The following MTFR1 variants were observed in gnomAD, a reference collection of about 807,000 sequenced individuals.
MTFR1 encodes the protein mitochondrial fission regulator 1.
A neutral mutation model predicts 38.8 loss-of-function variants in MTFR1; 28 were observed. That is an observed-to-expected ratio of 0.72 (90% CI 0.53 to 0.99). The LOEUF is 0.99. Ranked by LOEUF, MTFR1 falls within the 50% of genes least tolerant of loss-of-function variation. The pLI, the probability that MTFR1 is intolerant of heterozygous loss-of-function variation, is 0.00. For missense variants in MTFR1, 358 were observed against 395.5 expected (o/e 0.91, Z 0.81); for synonymous variants, 145 against 137.0 (o/e 1.06, Z -0.41).
chr8:65,670,050 G>A (rs752665323), intron 2 of MTFR1, 32 bp downstream of exon 2: 15 of 1,549,934 alleles, frequency 9.7e-6, no homozygotes, highest in Non-Finnish European at 1.2e-5. Flanking sequence ...TTTAAATCCC[G>A]ACATTTAGAT....
intron 3 of MTFR1, 112 bp from the exon 4 acceptor site, chr8:65,693,532 C>A: frequency 2.7e-6 from 2 of 729,202 alleles, no homozygotes; most frequent in Admixed American, 2.4e-5. Flanking sequence ...AGTTAGAAAC[C>A]ACTCATGTGT....
chr8:65,730,949 C>T (rs1806859580), intron 3 of MTFR1, among the ~76,000 whole-genome samples: 1 of 152,024 alleles, frequency 6.6e-6, no homozygotes, highest in Non-Finnish European at 1.5e-5. Context: ...AAAATAAAAA[C>T]ATAAAAACAG....
intron 3 of MTFR1, among the ~76,000 whole-genome samples, chr8:65,751,971 A>G (rs1479459555): frequency 6.6e-6 from 1 of 152,200 alleles, no homozygotes. Context: ...AAAGTATTCT[A>G]TCATACAGAT....
chr8:65,652,863 CT>C (rs1330150938), intron 1 of MTFR1, among the ~76,000 whole-genome samples: 1 of 152,058 alleles, frequency 6.6e-6, no homozygotes, highest in African/African-American at 2.4e-5. Context: ...TTTCTCTTGC[CT>C]GATTGCTCTA....
At chr8:65,667,995 G>T (rs1804438826) in intron 1 of MTFR1, among the ~76,000 whole-genome samples, 1 of 151,870 alleles carries the variant, frequency 6.6e-6, no homozygotes, top group African/African-American at 2.4e-5. Flanking sequence ...TGGCATATTT[G>T]TGGCACCTTT....
chr8:65,701,031 CG>C (rs1465755623), intron 4 of MTFR1, among the ~76,000 whole-genome samples: 1 of 152,212 alleles, frequency 6.6e-6, no homozygotes, highest in African/African-American at 2.4e-5. Context: ...GGAATGCCTA[CG>C]TGACTATTCC....
At chr8:65,682,951 G>A (rs1202415796) in intron 3 of MTFR1, 3 of 983,278 alleles carry the variant, frequency 3.1e-6, no homozygotes, top group Non-Finnish European at 3.6e-6. Flanking sequence ...AAAGGTAATT[G>A]TGGTTTTCGC....
chr8:65,751,748 T>C (rs1807977722), intron 3 of MTFR1, among the ~76,000 whole-genome samples: 1 of 152,214 alleles, frequency 6.6e-6, no homozygotes, highest in African/African-American at 2.4e-5. Flanking sequence ...TGCCGCGGCC[T>C]CCCAAAATGC....
At chr8:65,776,555 T>G in the MTFR1 span, among the ~76,000 whole-genome samples, 2 of 152,196 alleles carry the variant, frequency 1.3e-5, no homozygotes, top group African/African-American at 4.8e-5. Context: ...TATATATTTC[T>G]ATTTAAGTTA....
rs1402713476 is a variant in MTFR1, at chr8:65,747,210, A to AAG, written c.*49-23727_*49-23726dup. On this transcript the variant is annotated intron_variant, in intron 3 of 3. Coordinates refer to the MTFR1 transcript ENST00000521247. ...TATTAATACACACACACACACAAAA[A>AAG]AGAGAGAGAGACCTAACTTTCTGTG... Among the ~76,000 whole-genome samples, 11 of 152,280 alleles carry AAG rather than the reference A, an allele frequency of 7.2e-5. No individual in the cohort carries two copies. In the East Asian group the frequency reaches 9.6e-4, roughly 13 times the overall value.
chr8:65,762,588 C>A (rs1808555983), intron 3 of MTFR1, among the ~76,000 whole-genome samples: 1 of 152,102 alleles, frequency 6.6e-6, no homozygotes, highest in Admixed American at 6.5e-5. Context: ...CCCCACAAGA[C>A]TGTTAAAGAT....
At chr8:65,718,917 C>T in intron 2 of MTFR1, 1 of 263,924 alleles carries the variant, frequency 3.8e-6, no homozygotes, top group East Asian at 8.3e-5. Flanking sequence ...CACATTGTTG[C>T]ATCAGACTGG....
intron 3 of MTFR1, chr8:65,724,803 T>C: frequency 5.6e-6 from 9 of 1,609,282 alleles, no homozygotes; most frequent in Non-Finnish European, 6.8e-6. Flanking sequence ...CTGTGTCTGG[T>C]GTCTTCTAGG....
chr8:65,771,757 C>T (rs1414178671), downstream of MTFR1, among the ~76,000 whole-genome samples: 1 of 151,718 alleles, frequency 6.6e-6, no homozygotes, highest in Non-Finnish European at 1.5e-5. Context: ...TGCCTGTAAT[C>T]CCAGCTACTT....
chr8:65,742,505 T>C (rs1336596798), intron 3 of MTFR1, among the ~76,000 whole-genome samples: 2 of 152,216 alleles, frequency 1.3e-5, no homozygotes, highest in Non-Finnish European at 2.9e-5. Context: ...TCCTCTGCCT[T>C]GCTGTTCTTC....
At chr8:65,749,071 A>T (rs1474327632) in intron 3 of MTFR1, among the ~76,000 whole-genome samples, 1 of 152,168 alleles carries the variant, frequency 6.6e-6, no homozygotes, top group African/African-American at 2.4e-5. Flanking sequence ...CTTCCCTGGG[A>T]AGCACATTCA....
chr8:65,763,029 G>C lies in MTFR1; in HGVS notation c.*49-7918G>C, dbSNP rs76112748. ...TGTGTGTGTGTGTGTGTGTGTGTGT[G>C]TGTGTGTGTATAAAATGAATATACA... is the stretch of plus-strand genomic sequence containing the variant. On this transcript the variant is annotated intron_variant, in intron 3 of 3. Transcript: ENST00000521247. 7.7e-3 allele frequency among the ~76,000 whole-genome samples: 1,127 copies of C among 146,200 alleles called. 10 individuals are homozygous for C. The highest frequency in any genetic ancestry group is 0.025 in the African/African-American group (1,016 of 40,108).
At chr8:65,737,326 A>G (rs890785349) in intron 3 of MTFR1, among the ~76,000 whole-genome samples, 3 of 152,028 alleles carry the variant, frequency 2.0e-5, no homozygotes, top group African/African-American at 7.2e-5. Flanking sequence ...AAGTATTCAT[A>G]TGAACAATGT....
At chr8:65,689,633 G>A in intron 3 of MTFR1, 1 of 1,246,346 alleles carries the variant, frequency 8.0e-7, no homozygotes, top group Non-Finnish European at 1.0e-6. Context: ...AACTTCCCAT[G>A]CATGTCGTGG....
Sources: allele counts gnomAD v4.1 joint callset (sites outside exome capture counted in the v4.1 genomes callset), GRCh38; gene constraint gnomAD v4.1.1; transcripts MANE v1.5; gene names NCBI Gene and HGNC (gene_info 2026-07-23, HGNC 2026-07-21).